CEP112: variants seen among roughly 807,000 people sequenced by gnomAD.
CEP112 encodes the protein centrosomal protein 112.
CEP112 carries 127 observed loss-of-function variants against 153.0 expected under a neutral mutation model. That is an observed-to-expected ratio of 0.83 (90% confidence interval 0.72 to 0.96). CEP112 has a LOEUF of 0.96. Ranked by LOEUF, CEP112 falls within the 40% of genes least tolerant of loss-of-function variation. The pLI is 0.00. For synonymous variants in CEP112, 358 were observed against 374.4 expected, an observed-to-expected ratio of 0.96 and a Z score of 0.51; for missense variants, 1,089 against 1,101.2, an observed-to-expected ratio of 0.99 and a Z score of 0.16.
At chr17:66,117,904 A>C (rs1162187568) in intron 6 of CEP112, among the ~76,000 whole-genome samples, 1 of 152,184 alleles carries the variant, frequency 6.6e-6, no homozygotes, top group African/African-American at 2.4e-5. Flanking sequence ...CAGGTATATG[A>C]AAAAAATACT....
intron 18 of CEP112, among the ~76,000 whole-genome samples, chr17:65,960,693 A>G (rs993896708): frequency 1.3e-5 from 2 of 152,238 alleles, no homozygotes; most frequent in African/African-American, 4.8e-5. Flanking sequence ...TTCAAGTTTT[A>G]CTTTTTGGAG....
chr17:65,666,412 T>C (rs904228980), intron 24 of CEP112, among the ~76,000 whole-genome samples: 1 of 152,214 alleles, frequency 6.6e-6, no homozygotes, highest in Admixed American at 6.5e-5. Context: ...TTACTGACGA[T>C]CTGCTGATGA....
At chr17:66,097,972 C>T (rs2068416917) in intron 6 of CEP112, among the ~76,000 whole-genome samples, 1 of 152,062 alleles carries the variant, frequency 6.6e-6, no homozygotes, top group Admixed American at 6.6e-5. Flanking sequence ...CTAAAGCTGC[C>T]TCCTCACATA....
chr17:66,022,704 G>A (rs1228895332), intron 16 of CEP112, among the ~76,000 whole-genome samples: 4 of 58,090 alleles, frequency 6.9e-5, no homozygotes, highest in African/African-American at 2.4e-4. Flanking sequence ...ACGAGACTCC[G>A]CCTCAAGAAA....
chr17:65,949,531 G>A (rs1309675619), intron 18 of CEP112, among the ~76,000 whole-genome samples: 1 of 152,158 alleles, frequency 6.6e-6, no homozygotes, highest in African/African-American at 2.4e-5. Flanking sequence ...GGGGATCCTA[G>A]AGGCATGCGC....
chr17:65,853,375 A>G (rs1347745251), intron 20 of CEP112, among the ~76,000 whole-genome samples: 1 of 152,094 alleles, frequency 6.6e-6, no homozygotes, highest in Admixed American at 6.6e-5. Flanking sequence ...CACTGGTCAT[A>G]CTGGATTTAG....
chr17:65,854,652 G>C (rs2058068355), intron 20 of CEP112, among the ~76,000 whole-genome samples: 1 of 152,166 alleles, frequency 6.6e-6, no homozygotes, highest in African/African-American at 2.4e-5. Flanking sequence ...TATATAAAAG[G>C]CTGATCCTTG....
chr17:65,995,925 G>A (rs775402137), intron 17 of CEP112, among the ~76,000 whole-genome samples: 2 of 152,140 alleles, frequency 1.3e-5, no homozygotes, highest in Admixed American at 6.5e-5. Context: ...TGCCATGTAA[G>A]AAGTGCCTTT....
chr17:66,035,591 T>G (rs184810801), intron 12 of CEP112, among the ~76,000 whole-genome samples: 246 of 152,332 alleles, frequency 1.6e-3, no homozygotes, highest in Non-Finnish European at 2.8e-3. Flanking sequence ...ATCACACTTC[T>G]GCTTATTTAC....
At chr17:66,157,082 T>A (rs1196199888) in intron 4 of CEP112, among the ~76,000 whole-genome samples, 3 of 152,090 alleles carry the variant, frequency 2.0e-5, no homozygotes, top group Non-Finnish European at 4.4e-5. Flanking sequence ...ATTGTCAGAT[T>A]CACCAAGGTT....
intron 20 of CEP112, among the ~76,000 whole-genome samples, chr17:65,901,881 T>C (rs2059862484): frequency 6.8e-6 from 1 of 146,664 alleles, no homozygotes; most frequent in Admixed American, 7.2e-5. Context: ...TGAAAGGAAC[T>C]GAGACAAGAT....
chr17:65,656,936 C>G (rs1218243101), intron 24 of CEP112, among the ~76,000 whole-genome samples: 1 of 152,208 alleles, frequency 6.6e-6, no homozygotes, highest in East Asian at 1.9e-4. Flanking sequence ...CACATGCTCT[C>G]CCTAAAGACA....
At chr17:65,721,639 A>C (rs1215957929) in intron 23 of CEP112, among the ~76,000 whole-genome samples, 1 of 152,202 alleles carries the variant, frequency 6.6e-6, no homozygotes, top group African/African-American at 2.4e-5. Flanking sequence ...CAAATTCCTC[A>C]GGCTTCTTGC....
Position 65,956,806 on chromosome 17 carries a change from T to C in CEP112, c.1872+4657A>G, listed in dbSNP as rs373353185. On this transcript the variant is annotated intron_variant, in intron 18 of 26. Coordinates refer to ENST00000535342, the MANE Select transcript of CEP112 (RefSeq NM_001199165.4). ...AAAAAATAAAAAATTTAAAAATATA[T>C]ACATAAAAATAAAAATGTTAAACTT... 2.6e-4 allele frequency among the ~76,000 whole-genome samples: 40 copies of C among 152,150 alleles called. No individual in the cohort carries two copies. In the East Asian group the frequency reaches 6.4e-3, roughly 24 times the overall value.
At chr17:65,830,192 A>G (rs1054797102) in intron 21 of CEP112, among the ~76,000 whole-genome samples, 5 of 152,224 alleles carry the variant, frequency 3.3e-5, no homozygotes, top group Non-Finnish European at 7.4e-5. Flanking sequence ...CTCCTGCCAA[A>G]AAATATAACT....
At chr17:65,890,805 G>A (rs11079594) in intron 20 of CEP112, among the ~76,000 whole-genome samples, 2,534 of 145,896 alleles carry the variant, frequency 0.017, 79 homozygotes, top group African/African-American at 0.058. Context: ...ACAACAATCC[G>A]GTGATATCAT....
In CEP112 at chr17:66,062,977, C is replaced by A; in HGVS notation, c.1060G>T (p.Asp354Tyr). The A allele has an allele frequency of 6.4e-7, 1 of 1,557,062 alleles. No individual in the cohort carries two copies. Among genetic ancestry groups the A allele is most frequent in the South Asian group, 1.2e-5 (1 of 81,488 alleles). Reference protein sequence around the residue: ...CEQSTESLNNDWEKKLHNAVA... With the variant: ...CEQSTESLNNYWEKKLHNAVA... ...ATGTAGCTTACCTTTTTTTCCCAGT[C>A]ATTATTTAGAGATTCCGTACTTTGT... The change falls in exon 11 of 27, where the codon GAC becomes TAC. Residue 354 changes from aspartate to tyrosine, a missense_variant. Transcript: ENST00000535342.
intron 8 of CEP112, among the ~76,000 whole-genome samples, chr17:66,087,578 A>G (rs2067985788): frequency 6.6e-6 from 1 of 152,214 alleles, no homozygotes; most frequent in African/African-American, 2.4e-5. Flanking sequence ...AATGTCAGCA[A>G]GATGGCAGAC....
At chr17:65,919,900 A>C (rs1443266258) in intron 19 of CEP112, among the ~76,000 whole-genome samples, 1 of 152,138 alleles carries the variant, frequency 6.6e-6, no homozygotes, top group Non-Finnish European at 1.5e-5. Flanking sequence ...GCGGGAGTGC[A>C]TTTAGAGTGG....
Sources: allele counts gnomAD v4.1 joint callset (sites outside exome capture counted in the v4.1 genomes callset), GRCh38; gene constraint gnomAD v4.1.1; transcripts MANE v1.5; gene names NCBI Gene and HGNC (gene_info 2026-07-23, HGNC 2026-07-21).